The following MANBA variants were observed in gnomAD, a reference collection of about 807,000 sequenced individuals.
MANBA encodes the protein mannosidase beta, also known as beta-mannosidase.
A neutral mutation model predicts 111.1 loss-of-function variants in MANBA; 83 were observed. The observed-to-expected ratio is 0.75, with a 90% confidence interval of 0.63 to 0.90. The LOEUF is 0.90. MANBA is among the 40% of genes least tolerant of loss of function. The pLI, the probability that MANBA is intolerant of heterozygous loss-of-function variation, is 0.00. For missense variants in MANBA, 1,036 were observed against 1,069.0 expected (o/e 0.97, Z 0.43); for synonymous variants, 370 against 378.7 (o/e 0.98, Z 0.27).
chr4:102,713,526 T>C (rs966300618), intron 5 of MANBA, among the ~76,000 whole-genome samples: 1 of 152,246 alleles, frequency 6.6e-6, no homozygotes, highest in Non-Finnish European at 1.5e-5. Flanking sequence ...CTGACATCTG[T>C]GAGATTTCTG....
intron 1 of MANBA, among the ~76,000 whole-genome samples, chr4:102,755,662 A>T (rs1723981760): frequency 6.6e-6 from 1 of 152,244 alleles, no homozygotes; most frequent in South Asian, 2.1e-4. Flanking sequence ...AGCAAAAGAA[A>T]CTACCATCAG....
At chr4:102,720,650 A>G (rs1015059058) in intron 4 of MANBA, among the ~76,000 whole-genome samples, 1 of 152,122 alleles carries the variant, frequency 6.6e-6, no homozygotes, top group African/African-American at 2.4e-5. Flanking sequence ...AACCTCTAGC[A>G]TTTAAACCAC....
intron 1 of MANBA, among the ~76,000 whole-genome samples, chr4:102,735,509 A>G (rs1218744808): frequency 7.1e-6 from 1 of 141,078 alleles, no homozygotes; most frequent in African/African-American, 2.9e-5. Context: ...TTCTCTTACT[A>G]AGAGAAAATA....
chr4:102,726,604 A>AT lies in MANBA; in HGVS notation c.256dup (p.Ile86AsnfsTer4), dbSNP rs768849961. 2 of 1,526,810 alleles carry AT rather than the reference A, an allele frequency of 1.3e-6. No individual in the cohort carries two copies. Among genetic ancestry groups the AT allele is most frequent in the African/African-American group, 2.7e-5 (2 of 73,150 alleles). 94.6% of individuals were successfully genotyped at this position (1,526,810 alleles called of 1,614,324 possible). ...ACATACATACCTAATTTCAAAGGGG[A>AT]TTTTAAATTCTTTGCTATAGGTCCA... On this transcript the variant is annotated frameshift_variant, in exon 2 of 17. Transcript: ENST00000647097. LOFTEE classifies it high-confidence loss of function.
At chr4:102,737,481 T>G (rs1723257769) in intron 1 of MANBA, among the ~76,000 whole-genome samples, 1 of 151,892 alleles carries the variant, frequency 6.6e-6, no homozygotes, top group African/African-American at 2.4e-5. Context: ...GTGTTTTTTT[T>G]GTTTGTTTGT....
intron 1 of MANBA, chr4:102,727,714 T>G: frequency 9.6e-7 from 1 of 1,039,756 alleles, no homozygotes; most frequent in Non-Finnish European, 1.5e-6. Context: ...TAGGTTGTGT[T>G]TTCAGAGATG....
intron 7 of MANBA, among the ~76,000 whole-genome samples, chr4:102,680,921 T>C (rs1460958993): frequency 5.3e-5 from 8 of 152,230 alleles, no homozygotes; most frequent in African/African-American, 1.4e-4. Context: ...TAAGAATGAC[T>C]TCTTTATTTC....
At chr4:102,667,298 G>A (rs1731270893) in intron 10 of MANBA, 1 of 152,122 alleles carries the variant, frequency 6.6e-6, no homozygotes, top group South Asian at 2.1e-4. Flanking sequence ...CAATGATTGA[G>A]GAGAGGGAAA....
intron 5 of MANBA, among the ~76,000 whole-genome samples, chr4:102,710,198 T>A (rs1246392290): frequency 2.0e-5 from 3 of 152,020 alleles, no homozygotes; most frequent in Non-Finnish European, 4.4e-5. Context: ...AGGTACCAAA[T>A]TGGAAAAGAG....
At chr4:102,656,771 T>C (rs921720969) in intron 12 of MANBA, among the ~76,000 whole-genome samples, 1 of 152,152 alleles carries the variant, frequency 6.6e-6, no homozygotes, top group Admixed American at 6.5e-5. Context: ...AACATACTAA[T>C]ACATGGTCAA....
chr4:102,703,226 G>T (rs1560784853), intron 5 of MANBA, among the ~76,000 whole-genome samples: 1 of 152,184 alleles, frequency 6.6e-6, no homozygotes, highest in Non-Finnish European at 1.5e-5. Context: ...GACCTCCCAG[G>T]CTCAAGTAAT....
chr4:102,726,506 A>C, intron 2 of MANBA, 83 bp downstream of exon 2: 2 of 801,620 alleles, frequency 2.5e-6, no homozygotes, highest in South Asian at 3.0e-5. Context: ...AAAAAAAAAC[A>C]AACAAAACAC....
chr4:102,738,398 G>A (rs1723292306), intron 1 of MANBA, among the ~76,000 whole-genome samples: 1 of 152,202 alleles, frequency 6.6e-6, no homozygotes, highest in Non-Finnish European at 1.5e-5. Flanking sequence ...CCATGGCTAG[G>A]AGACCTGAAC....
intron 2 of MANBA, among the ~76,000 whole-genome samples, chr4:102,725,488 G>A (rs528005621): frequency 5.3e-5 from 8 of 152,214 alleles, no homozygotes; most frequent in African/African-American, 1.7e-4. Context: ...AGAGAGGTGC[G>A]GGCAGTGTTA....
chr4:102,665,111 A>C, intron 10 of MANBA: 2 of 403,654 alleles, frequency 5.0e-6, no homozygotes, highest in Non-Finnish European at 9.0e-6. Context: ...AGATAATATA[A>C]TCCCTTTTTT....
Position 102,642,067 on chromosome 4 carries a change from C to T in MANBA, c.1870-2210G>A, listed in dbSNP as rs79415803. Among the ~76,000 whole-genome samples, 159 of 151,844 alleles carry T rather than the reference C, an allele frequency of 1.0e-3. 1 individual carries two copies. Among genetic ancestry groups the T allele is most frequent in the African/African-American group, 3.6e-3 (149 of 41,478 alleles). ...GGTACCAGTCAAGGCTAATGAATGACACCTTTGTTCATAAAAATGCAGAAG... is the reference window on the plus strand; with the variant it reads ...GGTACCAGTCAAGGCTAATGAATGATACCTTTGTTCATAAAAATGCAGAAG... On this transcript the variant is annotated intron_variant, in intron 13 of 16. Transcript: ENST00000647097.
intron 1 of MANBA, among the ~76,000 whole-genome samples, chr4:102,759,405 G>T (rs1724150196): frequency 6.6e-6 from 1 of 152,064 alleles, no homozygotes; most frequent in South Asian, 2.1e-4. Flanking sequence ...AGATATAAGT[G>T]AAAACTCAGA....
At chr4:102,665,847 T>C (rs981395952) in intron 10 of MANBA, 1 of 152,240 alleles carries the variant, frequency 6.6e-6, no homozygotes, top group African/African-American at 2.4e-5. Context: ...ATTACACTGA[T>C]TGCCCCCCAC....
chr4:102,677,949 T>C (rs1170049131), intron 7 of MANBA, among the ~76,000 whole-genome samples: 1 of 152,212 alleles, frequency 6.6e-6, no homozygotes, highest in Non-Finnish European at 1.5e-5. Flanking sequence ...ATATTTAATA[T>C]GGTAAATATC....
Sources: gnomAD v4.1 joint callset for allele counts (sites outside exome capture counted in the v4.1 genomes callset) on GRCh38, gnomAD v4.1.1 for gene constraint, MANE v1.5 for transcripts, NCBI Gene and HGNC (gene_info 2026-07-23, HGNC 2026-07-21) for gene names.